The following P2RX5 variants were observed in gnomAD, a reference collection of about 807,000 sequenced individuals.
P2RX5 encodes purinergic receptor P2X 5.
In P2RX5, 46 loss-of-function variants were observed where a neutral mutation model predicts 54.1. That is an observed-to-expected ratio of 0.85 (90% CI 0.67 to 1.09). The LOEUF is 1.09. Ranked by LOEUF, P2RX5 falls within the 50% of genes least tolerant of loss-of-function variation. The pLI is 0.00. For synonymous variants in P2RX5, 226 were observed against 226.4 expected (o/e 1.00, Z 0.02); for missense variants, 566 against 549.8 (o/e 1.03, Z -0.29).
intron 11 of P2RX5, among the ~76,000 whole-genome samples, chr17:3,678,954 G>A (rs551344711): frequency 2.2e-4 from 34 of 152,310 alleles, no homozygotes; most frequent in African/African-American, 7.0e-4. Context: ...CGTCTGCAGA[G>A]AAGCCAGCGC....
At chr17:3,688,791 A>C in intron 7 of P2RX5, 32 bp from the exon 8 acceptor site, 1 of 1,613,178 alleles carries the variant, frequency 6.2e-7, no homozygotes, top group South Asian at 1.1e-5. Flanking sequence ...GTCAGCACAC[A>C]CAGCTTTCCG....
Position 3,690,960 on chromosome 17 carries a change from G to GC in P2RX5, c.355dup (p.Ala119GlyfsTer2). 1 of 1,604,326 alleles carries GC rather than the reference G, an allele frequency of 6.2e-7. No homozygotes were observed. Among genetic ancestry groups the GC allele is most frequent in the South Asian group, 1.1e-5 (1 of 90,372 alleles). On this transcript the variant is annotated frameshift_variant, in exon 3 of 12. Coordinates refer to ENST00000225328, the MANE Select transcript of P2RX5 (RefSeq NM_002561.4). LOFTEE classifies it high-confidence loss of function. ...GGGCCCCTCGCCAAATCAAACCTCA[G>GC]CACAGACGTTCTGCCGCTGGTTGGG...
chr17:3,720,530 A>C, the P2RX5 span: 1 of 576,730 alleles, frequency 1.7e-6, no homozygotes, highest in East Asian at 3.0e-5. Flanking sequence ...CCTAACGTAC[A>C]CAACACTACA....
chr17:3,705,806 T>C, the P2RX5 span, among the ~76,000 whole-genome samples: 3 of 152,164 alleles, frequency 2.0e-5, no homozygotes, highest in African/African-American at 7.2e-5. Context: ...ATTACTTTTT[T>C]CTTTTTTGAG....
the P2RX5 span, among the ~76,000 whole-genome samples, chr17:3,709,734 C>T: frequency 6.6e-6 from 1 of 151,996 alleles, no homozygotes; most frequent in Non-Finnish European, 1.5e-5. Context: ...CATGGTGAAA[C>T]CCCGTCTCTA....
chr17:3,723,699 T>C, the P2RX5 span: 37 of 1,601,254 alleles, frequency 2.3e-5, no homozygotes, highest in Non-Finnish European at 3.0e-5. Context: ...TGAACCGAAC[T>C]GTACGCACAA....
At chr17:3,712,033 G>A in the P2RX5 span, among the ~76,000 whole-genome samples, 2 of 152,194 alleles carry the variant, frequency 1.3e-5, no homozygotes, top group Non-Finnish European at 2.9e-5. Flanking sequence ...AGTGACGATG[G>A]AAGTGGGGTC....
chr17:3,699,166 CAGG>C (rs1403090752), upstream of P2RX5, among the ~76,000 whole-genome samples: 1 of 151,836 alleles, frequency 6.6e-6, no homozygotes, highest in African/African-American at 2.4e-5. Context: ...GAGGCCAAGG[CAGG>C]AGGATTGCTT....
chr17:3,704,202 G>A, the P2RX5 span, among the ~76,000 whole-genome samples: 3 of 152,190 alleles, frequency 2.0e-5, no homozygotes, highest in South Asian at 2.1e-4. Context: ...CTTCCTTATG[G>A]TGAATTCTAT....
chr17:3,723,323 C>G, the P2RX5 span: 1 of 1,613,686 alleles, frequency 6.2e-7, no homozygotes, highest in Non-Finnish European at 8.5e-7. Context: ...TCTGCAGCCA[C>G]GGTGACATTT....
chr17:3,688,395 C>T (rs1314140332), intron 8 of P2RX5, among the ~76,000 whole-genome samples: 2 of 152,212 alleles, frequency 1.3e-5, no homozygotes, highest in Admixed American at 1.3e-4. Flanking sequence ...CCGCAAGACT[C>T]GGCTTCACGG....
chr17:3,714,433 G>A, the P2RX5 span, among the ~76,000 whole-genome samples: 22,474 of 147,086 alleles, frequency 0.15, 5,216 homozygotes, highest in African/African-American at 0.5. Context: ...TCACCATGTT[G>A]GCTAGGATAG....
the P2RX5 span, among the ~76,000 whole-genome samples, chr17:3,708,904 A>G: frequency 6.6e-6 from 1 of 151,960 alleles, no homozygotes; most frequent in Non-Finnish European, 1.5e-5. Flanking sequence ...GTACTTAGAT[A>G]TAAATATATA....
intron 1 of P2RX5, among the ~76,000 whole-genome samples, chr17:3,693,361 G>A (rs1484861938): frequency 1.3e-5 from 2 of 152,194 alleles, no homozygotes; most frequent in Admixed American, 6.5e-5. Flanking sequence ...GTAAAATGAG[G>A]TAGTTATGGT....
the P2RX5 span, among the ~76,000 whole-genome samples, chr17:3,718,806 T>G: frequency 6.6e-6 from 1 of 152,270 alleles, no homozygotes; most frequent in Non-Finnish European, 1.5e-5. Flanking sequence ...TTTCATTTGG[T>G]ACCATTCTCT....
In P2RX5 at chr17:3,674,478, G is replaced by A. The variant is rs151228039; in HGVS notation, c.1260-601C>T. On this transcript the variant is annotated intron_variant, in intron 11 of 11. Transcript: ENST00000225328. ...TGACACTGTCTGGAAGCTGTCAGGCGATCCCTGGCTCTTCTGAGCACGGGG... is the reference window on the plus strand; with the variant it reads ...TGACACTGTCTGGAAGCTGTCAGGCAATCCCTGGCTCTTCTGAGCACGGGG... 5.9e-5 allele frequency among the ~76,000 whole-genome samples: 9 copies of A among 152,312 alleles called. No individual in the cohort carries two copies. In the East Asian group the frequency reaches 1.7e-3, roughly 29 times the overall value.
the P2RX5 span, among the ~76,000 whole-genome samples, chr17:3,702,955 G>A: frequency 6.6e-6 from 1 of 152,166 alleles, no homozygotes; most frequent in Non-Finnish European, 1.5e-5. Flanking sequence ...GACAGTCTCT[G>A]ATAAAATCCT....
chr17:3,690,279 T>TGCTG, intron 5 of P2RX5, 129 bp from the exon 6 acceptor site: 1 of 1,170,208 alleles, frequency 8.5e-7, no homozygotes, highest in Admixed American at 1.7e-5. Flanking sequence ...AATTTGCTCA[T>TGCTG]GCTGGGGAGG....
intron 1 of P2RX5, 42 bp downstream of exon 1, chr17:3,695,827 C>A: frequency 6.3e-7 from 1 of 1,593,640 alleles, no homozygotes; most frequent in Non-Finnish European, 8.6e-7. Context: ...GGCACCCGCC[C>A]TGCCCCTCCC....
Sources: gnomAD v4.1 joint callset for allele counts (sites outside exome capture counted in the v4.1 genomes callset) on GRCh38, gnomAD v4.1.1 for gene constraint, MANE v1.5 for transcripts, NCBI Gene and HGNC (gene_info 2026-07-23, HGNC 2026-07-21) for gene names.